CGGBP1: variants seen among roughly 807,000 people sequenced by gnomAD.
The protein encoded by CGGBP1 is CGG triplet repeat binding protein 1.
Under a neutral mutation model 11.4 loss-of-function variants are expected in CGGBP1, and 4 were observed. That is an observed-to-expected ratio of 0.35 (90% confidence interval 0.17 to 0.80). CGGBP1 has a LOEUF of 0.80. CGGBP1 is among the 30% of genes least tolerant of loss of function. The pLI is 0.52. For missense variants in CGGBP1, 135 were observed against 202.1 expected, an observed-to-expected ratio of 0.67 and a Z score of 2.01; for synonymous variants, 76 against 74.1, an observed-to-expected ratio of 1.03 and a Z score of -0.13.
chr3:88,133,819 T>C (rs1011843336), intron 2 of CGGBP1, among the ~76,000 whole-genome samples: 3 of 151,986 alleles, frequency 2.0e-5, no homozygotes, highest in Non-Finnish European at 2.9e-5. Context: ...AAGGGTAACA[T>C]TGAGAAAGAA....
upstream of CGGBP1, chr3:88,059,426 G>T (rs1220918116): frequency 1.3e-6 from 2 of 1,524,298 alleles, no homozygotes; most frequent in African/African-American, 2.8e-5. Context: ...GCGGGCGACG[G>T]CAGAGGCGGC....
chr3:88,077,239 G>C (rs760432317), intron 2 of CGGBP1, among the ~76,000 whole-genome samples: 4 of 151,712 alleles, frequency 2.6e-5, no homozygotes, highest in Non-Finnish European at 4.4e-5. Context: ...ACTCATCTCT[G>C]TTTCACTCAC....
chr3:88,115,668 T>C (rs1262224293), intron 2 of CGGBP1, among the ~76,000 whole-genome samples: 1 of 152,208 alleles, frequency 6.6e-6, no homozygotes, highest in African/African-American at 2.4e-5. Context: ...CTATAATTTT[T>C]CCTCTCCGTT....
intron 2 of CGGBP1, chr3:88,138,773 T>C: frequency 8.1e-7 from 1 of 1,232,098 alleles, no homozygotes; most frequent in Non-Finnish European, 1.0e-6. Flanking sequence ...ACCTTCATGA[T>C]GATCCCAAAA....
At chr3:88,103,518 T>A (rs904663609) in intron 2 of CGGBP1, among the ~76,000 whole-genome samples, 15 of 152,080 alleles carry the variant, frequency 9.9e-5, no homozygotes, top group African/African-American at 3.6e-4. Context: ...CTACTAGAAT[T>A]TCAGAAGAAG....
intron 2 of CGGBP1, among the ~76,000 whole-genome samples, chr3:88,109,880 TATG>T (rs1251437210): frequency 6.6e-6 from 1 of 152,158 alleles, no homozygotes; most frequent in Non-Finnish European, 1.5e-5. Context: ...TGCTAAATAT[TATG>T]ATACAATAAT....
chr3:88,145,790 T>C (rs1197745074), intron 1 of CGGBP1, among the ~76,000 whole-genome samples: 1 of 152,150 alleles, frequency 6.6e-6, no homozygotes, highest in Non-Finnish European at 1.5e-5. Context: ...GGGGAAGAAA[T>C]GGCTTGTTTA....
At chr3:88,138,965 T>G in intron 2 of CGGBP1, 1 of 1,245,866 alleles carries the variant, frequency 8.0e-7, no homozygotes. Flanking sequence ...TTCAAAATCG[T>G]GTTCGTTTTG....
intron 2 of CGGBP1, among the ~76,000 whole-genome samples, chr3:88,123,214 T>C (rs1241796221): frequency 6.6e-6 from 1 of 152,150 alleles, no homozygotes; most frequent in Non-Finnish European, 1.5e-5. Context: ...TTGTTCTTTC[T>C]TCCTTTGTCT....
chr3:88,120,715 TG>T (rs2107798175), intron 2 of CGGBP1, among the ~76,000 whole-genome samples: 1 of 152,304 alleles, frequency 6.6e-6, no homozygotes, highest in South Asian at 2.1e-4. Context: ...CTTACGCACA[TG>T]TACTCATACT....
intron 2 of CGGBP1, among the ~76,000 whole-genome samples, chr3:88,070,243 C>T (rs1441601727): frequency 6.6e-6 from 1 of 152,060 alleles, no homozygotes; most frequent in Non-Finnish European, 1.5e-5. Context: ...TTCTTCATAA[C>T]ATTAATTATA....
At position 88,105,194 on chromosome 3, in the gene CGGBP1, G is replaced by C. The variant is rs144134680; in HGVS notation, c.-229+35776C>G. On this transcript the variant is annotated intron_variant, in intron 2 of 3. Transcript: ENST00000462901. ...AATGGTCTATGCCTATTAAAGACAGGAATTCGGTTGATAGAAAAGCAAGGT... is the reference window on the plus strand; with the variant it reads ...AATGGTCTATGCCTATTAAAGACAGCAATTCGGTTGATAGAAAAGCAAGGT... Among the ~76,000 whole-genome samples the C allele has an allele frequency of 2.4e-3, 370 of 152,236 alleles. 3 individuals are homozygous for C. The highest frequency in any genetic ancestry group is 8.2e-3 in the African/African-American group (341 of 41,552).
intron 2 of CGGBP1, among the ~76,000 whole-genome samples, chr3:88,118,278 G>A (rs1705534920): frequency 6.6e-6 from 1 of 152,066 alleles, no homozygotes; most frequent in Admixed American, 6.6e-5. Context: ...TGTCCTTTGG[G>A]TCAGTCAGGA....
At chr3:88,105,251 T>C (rs1576288015) in intron 2 of CGGBP1, among the ~76,000 whole-genome samples, 2 of 151,084 alleles carry the variant, frequency 1.3e-5, no homozygotes, top group East Asian at 3.9e-4. Context: ...CATGCCCTTT[T>C]TTAGATAAAC....
chr3:88,126,052 A>C (rs1287848637), intron 2 of CGGBP1: 1 of 1,299,960 alleles, frequency 7.7e-7, no homozygotes, highest in African/African-American at 1.5e-5. Context: ...ACTGGCCATC[A>C]GTCATTTTAT....
chr3:88,107,232 T>C (rs552592782), intron 2 of CGGBP1, among the ~76,000 whole-genome samples: 3 of 152,328 alleles, frequency 2.0e-5, no homozygotes, highest in Non-Finnish European at 4.4e-5. Flanking sequence ...ACACTAACGC[T>C]GAATGAATGC....
intron 2 of CGGBP1, among the ~76,000 whole-genome samples, chr3:88,108,586 A>G (rs1704889503): frequency 6.6e-6 from 1 of 152,180 alleles, no homozygotes; most frequent in South Asian, 2.1e-4. Context: ...CATCCCAACT[A>G]GGATGTGCAT....
intron 2 of CGGBP1, among the ~76,000 whole-genome samples, chr3:88,075,513 G>C (rs1707749482): frequency 6.6e-6 from 1 of 152,206 alleles, no homozygotes; most frequent in Admixed American, 6.5e-5. Context: ...TGAAGTCTGT[G>C]CTTTTAGGAG....
intron 2 of CGGBP1, among the ~76,000 whole-genome samples, chr3:88,069,555 A>G (rs1707392562): frequency 6.6e-6 from 1 of 152,234 alleles, no homozygotes; most frequent in African/African-American, 2.4e-5. Flanking sequence ...ATAACTACAC[A>G]AAACAGGACA....
Sources: allele counts gnomAD v4.1 joint callset (sites outside exome capture counted in the v4.1 genomes callset), GRCh38; gene constraint gnomAD v4.1.1; transcripts MANE v1.5; gene names NCBI Gene and HGNC (gene_info 2026-07-23, HGNC 2026-07-21).